Variants in SPATA6 observed in about 807,000 individuals in gnomAD.
SPATA6 encodes spermatogenesis-associated protein 6.
In SPATA6, 56 loss-of-function variants were observed where a neutral mutation model predicts 65.3. The ratio of observed to expected loss-of-function variants is 0.86; its 90% CI spans 0.69 to 1.07. The LOEUF (loss-of-function observed/expected upper bound fraction) is 1.07, where lower values mean the gene tolerates loss of function less well. Among genes scored for constraint, SPATA6 ranks in the 50% least tolerant of loss-of-function variants. SPATA6 has a pLI of 0.00. For synonymous variants in SPATA6, 199 were observed against 213.2 expected (o/e 0.93, Z 0.58); for missense variants, 590 against 594.8 (o/e 0.99, Z 0.08).
intron 11 of SPATA6, among the ~76,000 whole-genome samples, chr1:48,349,706 C>T (rs2148790914): frequency 6.6e-6 from 1 of 152,022 alleles, no homozygotes; most frequent in South Asian, 2.1e-4. Flanking sequence ...TCAATAATGT[C>T]ATATAAATAA....
At chr1:48,406,743 C>T (rs1478122430) in intron 5 of SPATA6, among the ~76,000 whole-genome samples, 4 of 152,172 alleles carry the variant, frequency 2.6e-5, no homozygotes, top group Non-Finnish European at 5.9e-5. Flanking sequence ...TGAGTGTTTA[C>T]TTGCCAGACA....
At chr1:48,284,394 A>C in the SPATA6 span, among the ~76,000 whole-genome samples, 10 of 152,018 alleles carry the variant, frequency 6.6e-5, no homozygotes, top group Non-Finnish European at 1.2e-4. Context: ...AGTTCGAAGG[A>C]GTTTGTTATT....
chr1:48,345,593 C>T (rs994105718), intron 11 of SPATA6, among the ~76,000 whole-genome samples: 1 of 151,996 alleles, frequency 6.6e-6, no homozygotes, highest in African/African-American at 2.4e-5. Flanking sequence ...AAATAGAGTG[C>T]TAGCTAGACT....
chr1:48,449,501 C>T (rs1351809456), intron 3 of SPATA6, among the ~76,000 whole-genome samples: 1 of 152,112 alleles, frequency 6.6e-6, no homozygotes, highest in Non-Finnish European at 1.5e-5. Flanking sequence ...AATAAACAAT[C>T]CAAACAACAT....
intron 11 of SPATA6, chr1:48,325,745 C>A (rs929977597): frequency 7.8e-6 from 4 of 509,870 alleles, no homozygotes; most frequent in Non-Finnish European, 1.5e-5. Flanking sequence ...AAGTATCTCG[C>A]GCAAGGTGTA....
intron 9 of SPATA6, among the ~76,000 whole-genome samples, chr1:48,368,062 T>C (rs1291610914): frequency 6.6e-6 from 1 of 152,186 alleles, no homozygotes; most frequent in Non-Finnish European, 1.5e-5. Context: ...TGAAGCTTAG[T>C]TTGGCTGGAT....
Position 48,409,528 on chromosome 1 carries a change from T to C in SPATA6, c.405+1936A>G, listed in dbSNP as rs375771634. 1.4e-4 allele frequency among the ~76,000 whole-genome samples: 21 copies of C among 152,226 alleles called. 1 individual carries two copies. Among genetic ancestry groups the C allele is most frequent in the African/African-American group, 5.1e-4 (21 of 41,454 alleles). On this transcript the variant is annotated intron_variant, in intron 5 of 12. Coordinates refer to ENST00000371847, the MANE Select transcript of SPATA6 (RefSeq NM_019073.4). ...ACAGCTCCACTAGGCAGTGCCCCAG[T>C]AGGGACTCTGTGTGGAGGCTCTGAC...
chr1:48,463,131 G>GCAGCTTGCAGA (rs1291397832), intron 1 of SPATA6, among the ~76,000 whole-genome samples: 2 of 152,088 alleles, frequency 1.3e-5, no homozygotes, highest in African/African-American at 2.4e-5. Flanking sequence ...CCCTGGTTCT[G>GCAGCTTGCAGA]CAGCTTGCAG....
At chr1:48,419,146 C>A (rs142881539) in intron 3 of SPATA6, among the ~76,000 whole-genome samples, 10 of 152,242 alleles carry the variant, frequency 6.6e-5, no homozygotes, top group Non-Finnish European at 1.5e-4. Context: ...TTCTGTGTGT[C>A]AAGACTAAGC....
intron 4 of SPATA6, among the ~76,000 whole-genome samples, chr1:48,411,809 C>G (rs1014799273): frequency 6.6e-6 from 1 of 151,894 alleles, no homozygotes; most frequent in African/African-American, 2.4e-5. Context: ...GTTGGTCCAA[C>G]ATTTATATGT....
intron 1 of SPATA6, among the ~76,000 whole-genome samples, chr1:48,458,949 T>C (rs1263313927): frequency 6.6e-6 from 1 of 152,154 alleles, no homozygotes; most frequent in Admixed American, 6.6e-5. Context: ...CTCACACCTG[T>C]AATCCCAGCA....
intron 3 of SPATA6, among the ~76,000 whole-genome samples, chr1:48,416,083 G>A (rs1652755112): frequency 6.6e-6 from 1 of 151,970 alleles, no homozygotes; most frequent in African/African-American, 2.4e-5. Context: ...CGCACCTCTA[G>A]TCCCAGCTAC....
At chr1:48,308,926 C>G (rs1645129820) in intron 11 of SPATA6, among the ~76,000 whole-genome samples, 1 of 152,058 alleles carries the variant, frequency 6.6e-6, no homozygotes, top group African/African-American at 2.4e-5. Flanking sequence ...AACTCTGTCA[C>G]CCAGGCTGAA....
chr1:48,440,860 C>A (rs1405489663), intron 3 of SPATA6, among the ~76,000 whole-genome samples: 1 of 152,098 alleles, frequency 6.6e-6, no homozygotes, highest in Non-Finnish European at 1.5e-5. Context: ...AACCTGGCAA[C>A]CTTGGTGTTC....
chr1:48,306,790 G>A (rs964718573), intron 11 of SPATA6, among the ~76,000 whole-genome samples: 1 of 151,862 alleles, frequency 6.6e-6, no homozygotes, highest in Admixed American at 6.6e-5. Context: ...ATGTGTAAAC[G>A]TGTGCAATAA....
chr1:48,400,412 T>A (rs1426636070), intron 6 of SPATA6, among the ~76,000 whole-genome samples: 3 of 152,028 alleles, frequency 2.0e-5, no homozygotes, highest in African/African-American at 7.2e-5. Context: ...TAACATCTTA[T>A]TCAAATAATC....
At chr1:48,279,659 C>A in the SPATA6 span, among the ~76,000 whole-genome samples, 1 of 152,168 alleles carries the variant, frequency 6.6e-6, no homozygotes, top group South Asian at 2.1e-4. Context: ...GCACCCAATA[C>A]AGGAGCATGC....
At chr1:48,461,983 G>C (rs560916052) in intron 1 of SPATA6, among the ~76,000 whole-genome samples, 15 of 152,288 alleles carry the variant, frequency 9.8e-5, no homozygotes, top group African/African-American at 3.1e-4. Context: ...AGAAAATGTG[G>C]CACATATACA....
chr1:48,348,678 C>CA (rs1646436081), intron 11 of SPATA6, among the ~76,000 whole-genome samples: 1 of 151,992 alleles, frequency 6.6e-6, no homozygotes, highest in South Asian at 2.1e-4. Context: ...CTGCTATTGT[C>CA]ACTGCTTCTG....
Sources: gnomAD v4.1 joint callset for allele counts (sites outside exome capture counted in the v4.1 genomes callset) on GRCh38, gnomAD v4.1.1 for gene constraint, MANE v1.5 for transcripts, NCBI Gene and HGNC (gene_info 2026-07-23, HGNC 2026-07-21) for gene names.